Variants in FRAS1 observed in about 807,000 individuals in gnomAD.
FRAS1 encodes Fraser extracellular matrix complex subunit 1, also known as extracellular matrix organizing protein FRAS1.
In FRAS1, 290 loss-of-function variants were observed where a neutral mutation model predicts 435.2. That is an observed-to-expected ratio of 0.67 (90% CI 0.61 to 0.73). The LOEUF (loss-of-function observed/expected upper bound fraction) is 0.73, where lower values mean the gene tolerates loss of function less well. Ranked by LOEUF, FRAS1 falls within the 30% of genes least tolerant of loss-of-function variation. The probability of loss-of-function intolerance (pLI) is 0.00; values close to 1 mark genes in which losing one functional copy is unlikely to be tolerated. For missense variants in FRAS1, 4,860 were observed against 5,001.5 expected, an observed-to-expected ratio of 0.97 and a Z score of 0.85; for synonymous variants, 1,800 against 1,851.0, an observed-to-expected ratio of 0.97 and a Z score of 0.71.
At chr4:78,062,064 T>C (rs1394836171) in intron 1 of FRAS1, among the ~76,000 whole-genome samples, 1 of 152,192 alleles carries the variant, frequency 6.6e-6, no homozygotes, top group Admixed American at 6.5e-5. Context: ...ACTCTCCTTA[T>C]ATAGTGTACA....
chr4:78,088,048 C>G (rs1306944098), intron 2 of FRAS1, among the ~76,000 whole-genome samples: 1 of 151,978 alleles, frequency 6.6e-6, no homozygotes, highest in East Asian at 1.9e-4. Context: ...GGTACTGGTA[C>G]GAAACAGCAT....
chr4:78,083,630 T>C (rs1236038338), intron 2 of FRAS1, among the ~76,000 whole-genome samples: 1 of 149,056 alleles, frequency 6.7e-6, no homozygotes, highest in African/African-American at 2.5e-5. Flanking sequence ...AGTTCTGTTT[T>C]TTTTTTTTTT....
At position 78,430,285 on chromosome 4, in the gene FRAS1, G is replaced by A; in HGVS notation, c.4844-7G>A. The A allele has an allele frequency of 6.2e-7, 1 of 1,613,734 alleles. No homozygotes were observed. The highest frequency in any genetic ancestry group is 8.5e-7 in the Non-Finnish European group (1 of 1,179,828). ...TCTCTCACCACGCTTCCTTCTCCTTGCTGCAGGACTTCAGGTGGTAGTAAG... is the reference window on the plus strand; with the variant it reads ...TCTCTCACCACGCTTCCTTCTCCTTACTGCAGGACTTCAGGTGGTAGTAAG... On this transcript the variant is annotated splice_region_variant and splice_polypyrimidine_tract_variant and intron_variant, in intron 36 of 73. Coordinates refer to ENST00000512123, the MANE Select transcript of FRAS1 (RefSeq NM_025074.7).
chr4:78,368,243 A>G (rs1372121599), intron 22 of FRAS1, among the ~76,000 whole-genome samples: 2 of 151,618 alleles, frequency 1.3e-5, no homozygotes, highest in African/African-American at 4.9e-5. Flanking sequence ...AATCCAGTCT[A>G]GAATTTTCCC....
intron 15 of FRAS1, among the ~76,000 whole-genome samples, chr4:78,314,860 C>T (rs748727774): frequency 1.1e-4 from 17 of 151,400 alleles, no homozygotes; most frequent in Non-Finnish European, 1.9e-4. Context: ...CTCTTACCCC[C>T]ACCCTCACAT....
intron 2 of FRAS1, 142 bp downstream of exon 2, chr4:78,066,158 A>C (rs1740028754): frequency 1.5e-6 from 1 of 681,784 alleles, no homozygotes; most frequent in East Asian, 2.7e-5. Flanking sequence ...TCATTCGGGC[A>C]CAATGATGCT....
At chr4:78,380,963 C>T (rs1289999767) in intron 27 of FRAS1, among the ~76,000 whole-genome samples, 1 of 152,172 alleles carries the variant, frequency 6.6e-6, no homozygotes, top group African/African-American at 2.4e-5. Flanking sequence ...AGCCAGGCAT[C>T]ATGTTAGGCA....
intron 2 of FRAS1, among the ~76,000 whole-genome samples, chr4:78,195,204 G>T (rs576858506): frequency 3.3e-5 from 5 of 152,352 alleles, no homozygotes; most frequent in Middle Eastern, 6.8e-3. Flanking sequence ...CTCGCAGTTA[G>T]GCTACTCGGG....
intron 2 of FRAS1, among the ~76,000 whole-genome samples, chr4:78,099,588 C>T (rs905651033): frequency 2.0e-5 from 3 of 152,222 alleles, no homozygotes; most frequent in Non-Finnish European, 2.9e-5. Context: ...GTGCTTCACA[C>T]TTATCCATTC....
rs114450280 is a variant in FRAS1 at position 78,294,978 on chromosome 4, A to G, written c.1534+8439A>G. On this transcript the variant is annotated intron_variant, in intron 14 of 73. Coordinates refer to ENST00000512123, the MANE Select transcript of FRAS1 (RefSeq NM_025074.7). Reference sequence around the variant, plus strand: ...GTGTATGTCTTCCTAATTTATAAAGATATCTTTTTGTGTGTCTATACACAT... The same window carrying G: ...GTGTATGTCTTCCTAATTTATAAAGGTATCTTTTTGTGTGTCTATACACAT... Among the ~76,000 whole-genome samples, 617 of 152,272 alleles carry G rather than the reference A, an allele frequency of 4.1e-3. 3 individuals carry two copies. Among genetic ancestry groups the G allele is most frequent in the African/African-American group, 0.014 (597 of 41,556 alleles).
rs879127797 is a variant in FRAS1 at position 78,308,320 on chromosome 4, G to A, written c.1678+111G>A. 2.3e-5 allele frequency: 25 copies of A among 1,066,356 alleles called. No individual in the cohort carries two copies. In the South Asian group the frequency reaches 4.0e-4, roughly 17 times the overall value. The allele number at this position is 1,066,356 out of a possible 1,614,324, so 66.1% of individuals were successfully genotyped here. On this transcript the variant is annotated intron_variant, in intron 15 of 73. Coordinates refer to ENST00000512123, the MANE Select transcript of FRAS1 (RefSeq NM_025074.7). ...AATGTTTCTTTTACTCAACATATAT[G>A]TGAATAGCTGCTGAGATTAATCTTT...
chr4:78,448,185 T>C lies in FRAS1; in HGVS notation c.6143T>C (p.Val2048Ala). Residue 2048 changes from valine (V) to alanine (A), a missense_variant, in exon 44 of 74, where the codon GTC becomes GCC. Transcript: ENST00000512123. ...VGYVPSVPGM[V>A]VDEFQFSLTD... is the part of the protein sequence containing the mutation. ...TATGTGCCTAGTGTCCCTGGCATGGTCGTGGATGAGTTCCAGTTCTCCCTC... is the reference window on the plus strand; with the variant it reads ...TATGTGCCTAGTGTCCCTGGCATGGCCGTGGATGAGTTCCAGTTCTCCCTC... The C allele has an allele frequency of 6.2e-7, 1 of 1,613,566 alleles. No homozygotes were observed. Among genetic ancestry groups the C allele is most frequent in the East Asian group, 2.2e-5 (1 of 44,880 alleles).
chr4:78,280,514 G>T (rs184313265), intron 10 of FRAS1, among the ~76,000 whole-genome samples: 193 of 151,366 alleles, frequency 1.3e-3, no homozygotes, highest in Middle Eastern at 0.011. Flanking sequence ...AACTGAAACT[G>T]CAGGAAGTGA....
intron 14 of FRAS1, among the ~76,000 whole-genome samples, chr4:78,305,574 A>G (rs1055410901): frequency 3.1e-5 from 4 of 128,896 alleles, no homozygotes; most frequent in African/African-American, 1.2e-4. Flanking sequence ...TATTCAGGAT[A>G]GTTAGCTCTT....
intron 14 of FRAS1, among the ~76,000 whole-genome samples, chr4:78,302,713 T>A (rs1414699555): frequency 6.6e-6 from 1 of 152,226 alleles, no homozygotes; most frequent in Non-Finnish European, 1.5e-5. Context: ...TTTGTTTTTT[T>A]TTCTTGTAAA....
intron 2 of FRAS1, among the ~76,000 whole-genome samples, chr4:78,122,424 C>T (rs1719084613): frequency 6.6e-6 from 1 of 152,114 alleles, no homozygotes; most frequent in Non-Finnish European, 1.5e-5. Flanking sequence ...GTGAATAGTG[C>T]TGCAATAAAC....
chr4:78,445,627 T>C lies in FRAS1; in HGVS notation c.5771T>C (p.Ile1924Thr), dbSNP rs956719363. ...TACTTTCAGAGTGTTCATGAAAGCATTGAGCCAACCCATGATATTTTTAGT... is the reference window on the plus strand; with the variant it reads ...TACTTTCAGAGTGTTCATGAAAGCACTGAGCCAACCCATGATATTTTTAGT... ...IYYFQSVHES[I>T]EPTHDIFSFY... The change falls in exon 42 of 74, where the codon ATT (isoleucine) becomes ACT (threonine). Residue 1924 changes from isoleucine (I) to threonine (T), a missense_variant. By Grantham distance (89) the Ile-to-Thr change is moderately conservative. Coordinates refer to ENST00000512123, the MANE Select transcript of FRAS1 (RefSeq NM_025074.7). 15 of 1,613,812 alleles carry C rather than the reference T, an allele frequency of 9.3e-6. No homozygotes were observed. The highest frequency in any genetic ancestry group is 1.6e-4 in the Middle Eastern group (1 of 6,084).
chr4:78,278,600 C>T, intron 9 of FRAS1, 55 bp from the exon 10 acceptor site: 1 of 1,005,112 alleles, frequency 9.9e-7, no homozygotes, highest in South Asian at 1.3e-5. Context: ...CAATTTAGCC[C>T]TGCTACCTGG....
At chr4:78,440,879 A>G (rs17003226) in intron 40 of FRAS1, among the ~76,000 whole-genome samples, 3,941 of 152,230 alleles carry the variant, frequency 0.026, 171 homozygotes, top group African/African-American at 0.09. Flanking sequence ...GGTGATTAGA[A>G]TGGGCTAGAG....
Sources: gnomAD v4.1 joint callset for allele counts (sites outside exome capture counted in the v4.1 genomes callset) on GRCh38, gnomAD v4.1.1 for gene constraint, MANE v1.5 for transcripts, NCBI Gene and HGNC (gene_info 2026-07-23, HGNC 2026-07-21) for gene names.